The following MOV10L1 variants were observed in gnomAD, a reference collection of about 807,000 sequenced individuals.
MOV10L1 encodes RNA helicase Mov10l1.
A neutral mutation model predicts 143.8 loss-of-function variants in MOV10L1; 110 were observed. That is an observed-to-expected ratio of 0.76 (90% CI 0.66 to 0.90). MOV10L1 has a LOEUF of 0.90. Among genes scored for constraint, MOV10L1 ranks in the 40% least tolerant of loss-of-function variants. MOV10L1 has a pLI of 0.00. For synonymous variants in MOV10L1, 593 were observed against 581.1 expected (o/e 1.02, Z -0.29); for missense variants, 1,406 against 1,526.8 (o/e 0.92, Z 1.32).
Position 50,125,492 on chromosome 22 carries a change from T to C in MOV10L1, c.1670T>C (p.Ile557Thr). ...MELKEYNMSGIILRRNGDLLV... is the reference protein window; with the variant it reads ...MELKEYNMSGTILRRNGDLLV... ...CTGAAAGAGTATAACATGAGCGGGA[T>C]CATCTTAAGAAGGAATGGGGATCTG... The change falls in exon 11 of 27, where the codon ATC becomes ACC. Residue 557 changes from isoleucine to threonine, a missense_variant. Transcript: ENST00000262794. 1 of 1,614,188 alleles carries C rather than the reference T, an allele frequency of 6.2e-7. No homozygotes were observed. Among genetic ancestry groups the C allele is most frequent in the Non-Finnish European group, 8.5e-7 (1 of 1,180,034 alleles).
rs776195104 is a variant in MOV10L1 at position 50,147,100 on chromosome 22, G to A, written c.2627+1290G>A. 25 of 1,572,268 alleles carry A rather than the reference G, an allele frequency of 1.6e-5. No homozygotes were observed. The African/African-American group carries it at 3.2e-4, about 20-fold the overall frequency. On this transcript the variant is annotated intron_variant, in intron 19 of 26. Coordinates refer to ENST00000262794, the MANE Select transcript of MOV10L1 (RefSeq NM_018995.3). ...TCACTGGGGTGCAGAGGGCTCTTTG[G>A]GGGCAGAGCGGGCACTGCATGGACC...
chr22:50,116,549 G>A (rs1279161006), intron 8 of MOV10L1, among the ~76,000 whole-genome samples: 1 of 151,190 alleles, frequency 6.6e-6, no homozygotes, highest in Non-Finnish European at 1.5e-5. Flanking sequence ...ATTAGATATA[G>A]TACCTATTTT....
chr22:50,099,692 A>G (rs2062687002), intron 3 of MOV10L1, 90 bp downstream of exon 3: 1 of 1,431,672 alleles, frequency 7.0e-7, no homozygotes, highest in Non-Finnish European at 9.5e-7. Flanking sequence ...TCATGCCTAT[A>G]ATCCCAGCAC....
intron 3 of MOV10L1, among the ~76,000 whole-genome samples, chr22:50,101,579 G>GCCTGATCT (rs71286282): frequency 0.23 from 33,888 of 150,558 alleles, 4,131 homozygotes; most frequent in Admixed American, 0.35. Flanking sequence ...GAGTGCAGTG[G>GCCTGATCT]TGGCTCACTG....
intron 3 of MOV10L1, among the ~76,000 whole-genome samples, chr22:50,103,820 CTT>C (rs919017063): frequency 1.3e-5 from 2 of 152,294 alleles, no homozygotes; most frequent in East Asian, 1.9e-4. Flanking sequence ...TCCCCAAACT[CTT>C]TGGCACCAGG....
In MOV10L1 at chr22:50,152,670, C is replaced by A. The variant is rs904083693; in HGVS notation, c.2893-375C>A. 2.0e-5 allele frequency among the ~76,000 whole-genome samples: 3 copies of A among 152,110 alleles called. No homozygotes were observed. Among genetic ancestry groups the A allele is most frequent in the Admixed American group, 2.0e-4 (3 of 15,276 alleles). ...GCGGAGGCAGGGCTGTGTGGGCCAA[C>A]AAGATGCTGTTTCCAGGGTGAAGCT... On this transcript the variant is annotated intron_variant, in intron 21 of 26. Coordinates refer to ENST00000262794, the MANE Select transcript of MOV10L1 (RefSeq NM_018995.3). The surrounding 1 kb of genome is among the most constrained non-coding windows in gnomAD (Gnocchi z 4.4).
In MOV10L1 at chr22:50,117,345, A is replaced by G; in HGVS notation, c.1448A>G (p.Gln483Arg). 6.2e-7 allele frequency: 1 copy of G among 1,613,538 alleles called. No individual in the cohort carries two copies. The highest frequency in any genetic ancestry group is 1.1e-5 in the South Asian group (1 of 90,910). Reference sequence around the variant, plus strand: ...AAAACTACAGTTGTTGTGACCGCACAGAAAAGGTACCATAACTGAAATGAG... The same window carrying G: ...AAAACTACAGTTGTTGTGACCGCACGGAAAAGGTACCATAACTGAAATGAG... ...SAKTTVVVTA[Q>R]KRNSRRQLPS... Residue 483 changes from glutamine (Q) to arginine (R), a missense_variant, in exon 9 of 27, where the codon CAG becomes CGG. Gln to Arg is a conservative substitution (Grantham distance 43). This residue lies in a region of MOV10L1 where 1,233 missense variants were observed against 1,351.4 expected (regional missense o/e 0.91). Coordinates refer to ENST00000262794, the MANE Select transcript of MOV10L1 (RefSeq NM_018995.3).
chr22:50,134,900 T>C (rs117928164), intron 15 of MOV10L1, among the ~76,000 whole-genome samples: 229 of 152,322 alleles, frequency 1.5e-3, no homozygotes, highest in South Asian at 2.7e-3. Flanking sequence ...GTGTAAAGTT[T>C]ATATGCAAGG....
intron 1 of MOV10L1, chr22:50,090,500 G>A: frequency 1.9e-6 from 3 of 1,609,052 alleles, no homozygotes; most frequent in South Asian, 1.1e-5. Context: ...TGTCCGCAGC[G>A]TCATTGGCGG....
chr22:50,096,774 A>C (rs1438587714), intron 2 of MOV10L1, among the ~76,000 whole-genome samples: 1 of 152,004 alleles, frequency 6.6e-6, no homozygotes, highest in Admixed American at 6.6e-5. Flanking sequence ...GGCCATCTAT[A>C]TATCTTCTTT....
chr22:50,114,883 C>T (rs996448376), intron 7 of MOV10L1, among the ~76,000 whole-genome samples: 9 of 152,194 alleles, frequency 5.9e-5, no homozygotes, highest in African/African-American at 2.2e-4. Context: ...GATTGCTGGG[C>T]GCGCCGGGGC....
At position 50,120,516 on chromosome 22, in the gene MOV10L1, A is replaced by G. The variant is rs753332481; in HGVS notation, c.1469A>G (p.Gln490Arg). The G allele has an allele frequency of 1.2e-6, 2 of 1,610,558 alleles. No homozygotes were observed. Among genetic ancestry groups the G allele is most frequent in the African/African-American group, 1.3e-5 (1 of 74,914 alleles). Residue 490 changes from glutamine (Q) to arginine (R), a missense_variant, in exon 10 of 27, where the codon CAA (glutamine) becomes CGA (arginine). Physicochemically the swap from Gln to Arg is conservative, Grantham distance 43. Coordinates refer to ENST00000262794, the MANE Select transcript of MOV10L1 (RefSeq NM_018995.3). ...AATTTTTTAAGGAACTCAAGACGACAACTTCCAAGTTTTCTTCCCCAATAT... is the reference window on the plus strand; with the variant it reads ...AATTTTTTAAGGAACTCAAGACGACGACTTCCAAGTTTTCTTCCCCAATAT... Reference protein sequence around the residue: ...VTAQKRNSRRQLPSFLPQYPI... With the variant: ...VTAQKRNSRRRLPSFLPQYPI...
intron 5 of MOV10L1, among the ~76,000 whole-genome samples, chr22:50,111,142 G>A (rs1006421755): frequency 5.9e-5 from 9 of 152,202 alleles, no homozygotes; most frequent in Admixed American, 4.6e-4. Context: ...GGACATGCCT[G>A]GGAAAAAGGA....
At chr22:50,136,954 C>G (rs1342983901) in intron 15 of MOV10L1, among the ~76,000 whole-genome samples, 1 of 152,208 alleles carries the variant, frequency 6.6e-6, no homozygotes, top group East Asian at 1.9e-4. Flanking sequence ...GTCTCAGGAG[C>G]GTAGAAAGTC....
rs1212265452 is a variant in MOV10L1, at chr22:50,140,447, A to G, written c.2071-1634A>G. Among the ~76,000 whole-genome samples the G allele has an allele frequency of 2.6e-5, 4 of 152,206 alleles. No homozygotes were observed. The East Asian group carries it at 5.8e-4, about 22-fold the overall frequency. On this transcript the variant is annotated intron_variant, in intron 15 of 26. Coordinates refer to ENST00000262794, the MANE Select transcript of MOV10L1 (RefSeq NM_018995.3). ...GGTTGTGGGAGGAGGTTATAGGCAT[A>G]ACCTTCTAGACCATGGGTGTCCAAT...
chr22:50,115,058 CTG>C, intron 7 of MOV10L1, 54 bp from the exon 8 acceptor site: 3 of 1,515,444 alleles, frequency 2.0e-6, no homozygotes, highest in Non-Finnish European at 2.7e-6. Context: ...CATGCCAGCA[CTG>C]TTAGAGATAA....
intron 3 of MOV10L1, among the ~76,000 whole-genome samples, chr22:50,107,549 C>T (rs1344520201): frequency 6.6e-6 from 1 of 152,150 alleles, no homozygotes; most frequent in Non-Finnish European, 1.5e-5. Context: ...TTTTAACTAC[C>T]TGTACCATGG....
At chr22:50,092,399 G>A (rs2062472930) in intron 2 of MOV10L1, among the ~76,000 whole-genome samples, 1 of 152,170 alleles carries the variant, frequency 6.6e-6, no homozygotes, top group South Asian at 2.1e-4. Context: ...GGAAGGCTGA[G>A]ACAGGCAGAT....
chr22:50,118,610 T>C (rs1488317221), intron 9 of MOV10L1, among the ~76,000 whole-genome samples: 1 of 152,146 alleles, frequency 6.6e-6, no homozygotes, highest in Non-Finnish European at 1.5e-5. Flanking sequence ...AGAAAACGTT[T>C]AGTGGGTAGA....
Sources: allele counts gnomAD v4.1 joint callset (sites outside exome capture counted in the v4.1 genomes callset), GRCh38; gene constraint gnomAD v4.1.1; regional missense constraint gnomAD v4.1.1; non-coding constraint Gnocchi (gnomAD v3.1); transcripts MANE v1.5; gene names NCBI Gene and HGNC (gene_info 2026-07-23, HGNC 2026-07-21).